ZNF618: variants seen among roughly 807,000 people sequenced by gnomAD.
The protein encoded by ZNF618 is zinc finger protein 618.
A neutral mutation model predicts 103.0 loss-of-function variants in ZNF618; 34 were observed. That is an observed-to-expected ratio of 0.33 (90% confidence interval 0.25 to 0.44). The LOEUF (loss-of-function observed/expected upper bound fraction) is 0.44, where lower values mean the gene tolerates loss of function less well. ZNF618 is among the 20% of genes least tolerant of loss of function. The probability of loss-of-function intolerance (pLI) is 1.00; values close to 1 mark genes in which losing one functional copy is unlikely to be tolerated. For missense variants in ZNF618, 1,059 were observed against 1,295.4 expected, an observed-to-expected ratio of 0.82 and a Z score of 2.80; for synonymous variants, 551 against 542.2, an observed-to-expected ratio of 1.02 and a Z score of -0.23.
intron 1 of ZNF618, among the ~76,000 whole-genome samples, chr9:113,905,010 G>A (rs1414738400): frequency 6.6e-6 from 1 of 152,094 alleles, no homozygotes; most frequent in Non-Finnish European, 1.5e-5. Context: ...GTCTTTGTTG[G>A]GTACAGGGAG....
chr9:114,029,281 C>T (rs1398031601), intron 11 of ZNF618, among the ~76,000 whole-genome samples: 1 of 152,072 alleles, frequency 6.6e-6, no homozygotes, highest in Non-Finnish European at 1.5e-5. Flanking sequence ...TTTTGACATT[C>T]TTCACAAGGT....
chr9:113,876,446 G>A, intron 1 of ZNF618, 33 bp downstream of exon 1: 3 of 1,193,458 alleles, frequency 2.5e-6, no homozygotes, highest in Non-Finnish European at 3.1e-6. Context: ...TGCACCGCGC[G>A]GGGGACCCCG....
intron 1 of ZNF618, among the ~76,000 whole-genome samples, chr9:113,938,796 C>T (rs1834277319): frequency 6.6e-6 from 1 of 151,988 alleles, no homozygotes; most frequent in Non-Finnish European, 1.5e-5. Context: ...TCTTGAACTC[C>T]TGACCTCAAG....
chr9:113,949,685 C>T (rs1361604464), intron 1 of ZNF618, among the ~76,000 whole-genome samples: 1 of 152,248 alleles, frequency 6.6e-6, no homozygotes, highest in Non-Finnish European at 1.5e-5. Context: ...ACATGGTCCA[C>T]CTCTGTCAGC....
rs756310565 is a variant in ZNF618 at position 114,049,320 on chromosome 9, G to A, written c.2018G>A (p.Gly673Asp). The A allele has an allele frequency of 1.2e-6, 2 of 1,611,448 alleles. No homozygotes were observed. The highest frequency in any genetic ancestry group is 3.3e-5 in the Admixed American group (2 of 59,952). Residue 673 changes from glycine (G) to aspartate (D), a missense_variant, in exon 15 of 15, where the codon GGC (glycine) becomes GAC (aspartate). This residue lies in a region of ZNF618 where 272 missense variants were observed against 380.1 expected (regional missense o/e 0.72). Transcript: ENST00000374126. Reference sequence around the variant, plus strand: ...CTCAACGTGTGCGAGGACCTGGCGGGCTCCACGGGCCTGGCCAAGGAGACC... The same window carrying A: ...CTCAACGTGTGCGAGGACCTGGCGGACTCCACGGGCCTGGCCAAGGAGACC... The part of the protein sequence containing the change: ...ELLNVCEDLA[G>D]STGLAKETFG...
chr9:113,987,339 G>T (rs527867040), intron 2 of ZNF618, among the ~76,000 whole-genome samples: 5 of 152,322 alleles, frequency 3.3e-5, no homozygotes, highest in African/African-American at 1.2e-4. Context: ...GCCTGAGCAA[G>T]TCACAGCTCT....
At chr9:113,901,519 A>G (rs1830547528) in intron 1 of ZNF618, among the ~76,000 whole-genome samples, 1 of 152,224 alleles carries the variant, frequency 6.6e-6, no homozygotes. Flanking sequence ...TGAACGAGAC[A>G]TTAGCTGATA....
At chr9:113,992,575 AG>A (rs1450968055) in intron 3 of ZNF618, among the ~76,000 whole-genome samples, 4 of 152,126 alleles carry the variant, frequency 2.6e-5, no homozygotes, top group Non-Finnish European at 5.9e-5. Context: ...TGTGGTGCCC[AG>A]GGCCTCCTGA....
intron 1 of ZNF618, among the ~76,000 whole-genome samples, chr9:113,945,784 A>C (rs1372825611): frequency 6.6e-6 from 1 of 152,014 alleles, no homozygotes; most frequent in Non-Finnish European, 1.5e-5. Flanking sequence ...GGCTGGGGGG[A>C]GAAAAAAAGA....
intron 1 of ZNF618, among the ~76,000 whole-genome samples, chr9:113,929,005 G>C (rs1307275433): frequency 6.6e-6 from 1 of 152,076 alleles, no homozygotes; most frequent in Non-Finnish European, 1.5e-5. Flanking sequence ...CTTTGCTCTG[G>C]AGAACAGCAC....
At chr9:114,021,062 T>C (rs1254656179) in intron 10 of ZNF618, among the ~76,000 whole-genome samples, 1 of 152,112 alleles carries the variant, frequency 6.6e-6, no homozygotes, top group African/African-American at 2.4e-5. Context: ...TATTCTCTTT[T>C]GTTAGTACTG....
At chr9:113,939,185 GTATTA>G (rs1381749047) in intron 1 of ZNF618, among the ~76,000 whole-genome samples, 1 of 152,048 alleles carries the variant, frequency 6.6e-6, no homozygotes, top group East Asian at 1.9e-4. Context: ...AGTAGTTCTG[GTATTA>G]TATTGTTAAA....
chr9:113,917,426 A>T (rs1394958419), intron 1 of ZNF618, among the ~76,000 whole-genome samples: 89 of 148,284 alleles, frequency 6.0e-4, no homozygotes, highest in African/African-American at 2.0e-3. Flanking sequence ...TTTTTTTTTT[A>T]AATCTTTTGT....
intron 10 of ZNF618, 200 bp downstream of exon 10, chr9:114,016,984 G>C (rs2133956762): frequency 3.5e-6 from 2 of 579,266 alleles, no homozygotes; most frequent in East Asian, 5.9e-5. Flanking sequence ...CCCCTCTTAA[G>C]CCAGAGCAGA....
chr9:114,033,778 T>C (rs1229595604), intron 12 of ZNF618, among the ~76,000 whole-genome samples: 1 of 152,186 alleles, frequency 6.6e-6, no homozygotes, highest in Non-Finnish European at 1.5e-5. Context: ...ACCCACTCAC[T>C]TTCTTGCATG....
At chr9:114,016,246 G>A (rs1260714787) in intron 9 of ZNF618, 3 of 1,394,668 alleles carry the variant, frequency 2.2e-6, no homozygotes, top group Non-Finnish European at 3.0e-6. Flanking sequence ...GTGCTTGGGG[G>A]CAGGGAAGGT....
intron 1 of ZNF618, among the ~76,000 whole-genome samples, chr9:113,893,993 TGAG>T (rs1829828688): frequency 6.6e-6 from 1 of 152,182 alleles, no homozygotes; most frequent in Non-Finnish European, 1.5e-5. Context: ...TTATGTTCAA[TGAG>T]GAGAACTAGA....
At chr9:113,928,794 C>T (rs1018204232) in intron 1 of ZNF618, among the ~76,000 whole-genome samples, 13 of 152,094 alleles carry the variant, frequency 8.5e-5, no homozygotes, top group Non-Finnish European at 2.9e-5. Context: ...AGGAAGTAGT[C>T]TATACTCTCA....
At position 114,010,794 on chromosome 9, in the gene ZNF618, C is replaced by T. The variant is rs1016370; in HGVS notation, c.754+2240C>T. Among the ~76,000 whole-genome samples, 1,069 of 152,256 alleles carry T rather than the reference C, an allele frequency of 7.0e-3. 18 individuals are homozygous for T. Among genetic ancestry groups the T allele is most frequent in the African/African-American group, 0.024 (986 of 41,522 alleles). On this transcript the variant is annotated intron_variant, in intron 9 of 14. Transcript: ENST00000374126. ...AGGAACAGAGGATCTGTGACCTCCC[C>T]GTTGAGTATCTATCTAGGATCTGGC...
Sources: gnomAD v4.1 joint callset for allele counts (sites outside exome capture counted in the v4.1 genomes callset) on GRCh38, gnomAD v4.1.1 for gene constraint, gnomAD v4.1.1 regional missense constraint, MANE v1.5 for transcripts, NCBI Gene and HGNC (gene_info 2026-07-23, HGNC 2026-07-21) for gene names.